Variants in MAPK10 observed in about 807,000 individuals in gnomAD.
MAPK10 encodes the protein mitogen-activated protein kinase 10, also known as JNK3 alpha protein kinase.
MAPK10 carries 25 observed loss-of-function variants against 59.3 expected under a neutral mutation model. That is an observed-to-expected ratio of 0.42 (90% CI 0.31 to 0.59). The LOEUF is 0.59. MAPK10 is among the 20% of genes least tolerant of loss of function. The probability of loss-of-function intolerance (pLI) is 0.15; values close to 1 mark genes in which losing one functional copy is unlikely to be tolerated. For missense variants in MAPK10, 351 were observed against 568.9 expected (o/e 0.62, Z 3.90); for synonymous variants, 190 against 200.5 (o/e 0.95, Z 0.44).
chr4:86,461,688 G>A (rs1579300767), intron 1 of MAPK10, among the ~76,000 whole-genome samples: 2 of 152,294 alleles, frequency 1.3e-5, no homozygotes, highest in East Asian at 3.9e-4. Flanking sequence ...GCCAGCTAAA[G>A]CTAAAGCGGC....
chr4:86,379,910 G>A (rs899351830), intron 1 of MAPK10, among the ~76,000 whole-genome samples: 25 of 152,176 alleles, frequency 1.6e-4, no homozygotes, highest in African/African-American at 5.1e-4. Context: ...ATCCCTGACC[G>A]AGCTGGTCTT....
chr4:86,135,097 C>G (rs917447461), intron 4 of MAPK10, among the ~76,000 whole-genome samples: 6 of 152,154 alleles, frequency 3.9e-5, no homozygotes, highest in Non-Finnish European at 7.4e-5. Flanking sequence ...AAGGCAGCAG[C>G]GAGGCTGGGG....
chr4:86,532,435 C>T (rs1296636802), intron 1 of MAPK10, among the ~76,000 whole-genome samples: 1 of 152,124 alleles, frequency 6.6e-6, no homozygotes, highest in East Asian at 1.9e-4. Context: ...CAATAACTGG[C>T]TTCTACCCCT....
At chr4:86,315,631 T>C (rs576638940) in intron 2 of MAPK10, among the ~76,000 whole-genome samples, 3 of 152,244 alleles carry the variant, frequency 2.0e-5, no homozygotes, top group East Asian at 3.9e-4. Context: ...AGAGTACTTA[T>C]GATGTAGTAT....
intron 1 of MAPK10, among the ~76,000 whole-genome samples, chr4:86,407,131 T>C (rs907064580): frequency 2.6e-5 from 4 of 152,212 alleles, no homozygotes; most frequent in Admixed American, 6.5e-5. Context: ...CTTAAGTTAT[T>C]GCTAAAAGGT....
chr4:86,411,463 C>T (rs565396913), intron 1 of MAPK10, among the ~76,000 whole-genome samples: 1 of 152,266 alleles, frequency 6.6e-6, no homozygotes, highest in African/African-American at 2.4e-5. Flanking sequence ...GCCTTGTTAA[C>T]ATTCTGTCTC....
At chr4:86,560,610 C>T (rs2149104086) in intron 1 of MAPK10, among the ~76,000 whole-genome samples, 1 of 152,308 alleles carries the variant, frequency 6.6e-6, no homozygotes, top group Middle Eastern at 3.4e-3. Flanking sequence ...CCATTCATCA[C>T]CCTTATCTCT....
Position 86,174,185 on chromosome 4 carries a change from A to C in MAPK10, c.67-14718T>G, listed in dbSNP as rs187937530. Among the ~76,000 whole-genome samples the C allele has an allele frequency of 3.6e-3, 551 of 152,308 alleles. 2 individuals carry two copies. The highest frequency in any genetic ancestry group is 0.013 in the African/African-American group (522 of 41,554). On this transcript the variant is annotated intron_variant, in intron 3 of 13. Coordinates refer to ENST00000641462, the MANE Select transcript of MAPK10 (RefSeq NM_138982.4). ...GTACATGCACACATATGTTTATTGC[A>C]GTATTATTTACAATAGCAAAGACAT...
chr4:86,364,400 A>T (rs1737496606), upstream of MAPK10, among the ~76,000 whole-genome samples: 1 of 152,132 alleles, frequency 6.6e-6, no homozygotes, highest in Non-Finnish European at 1.5e-5. Context: ...ACGTGCTGAG[A>T]TTACAGGCAT....
chr4:86,181,185 A>G (rs1440253067), intron 3 of MAPK10, among the ~76,000 whole-genome samples: 1 of 152,118 alleles, frequency 6.6e-6, no homozygotes, highest in African/African-American at 2.4e-5. Context: ...ATAAATTAGA[A>G]AAATTACCAA....
chr4:86,365,175 T>C (rs1737637466), intron 1 of MAPK10, among the ~76,000 whole-genome samples: 1 of 152,058 alleles, frequency 6.6e-6, no homozygotes, highest in African/African-American at 2.4e-5. Context: ...CTTGGCCAGG[T>C]AATCCCAACA....
intron 2 of MAPK10, among the ~76,000 whole-genome samples, chr4:86,243,049 G>T (rs2092846753): frequency 6.6e-6 from 1 of 152,210 alleles, no homozygotes; most frequent in South Asian, 2.1e-4. Flanking sequence ...TGCCTCCCTT[G>T]GCTGGCGGGA....
At chr4:86,208,584 G>A (rs989596168) in intron 2 of MAPK10, among the ~76,000 whole-genome samples, 19 of 151,862 alleles carry the variant, frequency 1.3e-4, no homozygotes, top group Non-Finnish European at 2.5e-4. Context: ...TTGATGGGAC[G>A]TATCTCAAAA....
intron 2 of MAPK10, among the ~76,000 whole-genome samples, chr4:86,203,707 T>C (rs973418569): frequency 2.0e-5 from 3 of 150,308 alleles, no homozygotes; most frequent in African/African-American, 7.3e-5. Flanking sequence ...AAAATGACTT[T>C]GTGTTCTTGT....
At chr4:86,300,816 G>C (rs777955174) in intron 2 of MAPK10, 1 of 151,250 alleles carries the variant, frequency 6.6e-6, no homozygotes, top group Admixed American at 6.6e-5. Flanking sequence ...AGCAAAGACT[G>C]AGAGTCTGTC....
At chr4:86,348,461 C>T (rs1407257334) in intron 2 of MAPK10, among the ~76,000 whole-genome samples, 1 of 152,058 alleles carries the variant, frequency 6.6e-6, no homozygotes, top group Non-Finnish European at 1.5e-5. Context: ...TATTATAACC[C>T]CCATTCTTCC....
At chr4:86,026,092 A>C (rs1441568347) in intron 13 of MAPK10, among the ~76,000 whole-genome samples, 1 of 152,220 alleles carries the variant, frequency 6.6e-6, no homozygotes, top group East Asian at 1.9e-4. Flanking sequence ...GAATGGTTGC[A>C]TATTAAAATC....
intron 1 of MAPK10, among the ~76,000 whole-genome samples, chr4:86,371,384 T>C (rs1315870847): frequency 6.6e-6 from 1 of 152,160 alleles, no homozygotes; most frequent in African/African-American, 2.4e-5. Flanking sequence ...TACAATACAA[T>C]CCTCACTACT....
In MAPK10 at chr4:86,107,238, A is replaced by G; in HGVS notation, c.351T>C (p.Cys117=). 6.2e-7 allele frequency: 1 copy of G among 1,612,686 alleles called. No homozygotes were observed. The highest frequency in any genetic ancestry group is 2.2e-5 in the East Asian group (1 of 44,842). The change falls in exon 5 of 14, where the codon TGT becomes TGC. Residue 117 remains cysteine, a synonymous_variant. Coordinates refer to ENST00000641462, the MANE Select transcript of MAPK10 (RefSeq NM_138982.4). ...RAYRELVLMK[C]VNHKNIISLL... is the part of the protein sequence containing the mutation. ...CAAAACTCACGTTTTTATGGTTCAC[A>G]CACTTCATGAGGACCAGCTCCCGGT...
Sources: gnomAD v4.1 joint callset for allele counts (sites outside exome capture counted in the v4.1 genomes callset) on GRCh38, gnomAD v4.1.1 for gene constraint, MANE v1.5 for transcripts, NCBI Gene and HGNC (gene_info 2026-07-23, HGNC 2026-07-21) for gene names.